The following CCDC77 variants were observed in gnomAD, a reference collection of about 807,000 sequenced individuals.
CCDC77 encodes the protein coiled-coil domain-containing protein 77.
A neutral mutation model predicts 66.8 loss-of-function variants in CCDC77; 56 were observed. That is an observed-to-expected ratio of 0.84 (90% CI 0.68 to 1.05). CCDC77 has a LOEUF of 1.05. CCDC77 is among the 50% of genes least tolerant of loss of function. CCDC77 has a pLI of 0.00. For synonymous variants in CCDC77, 196 were observed against 195.2 expected (o/e 1.00, Z -0.03); for missense variants, 570 against 576.8 (o/e 0.99, Z 0.12).
chr12:416,200 C>T (rs918503051), intron 4 of CCDC77, among the ~76,000 whole-genome samples: 2 of 150,694 alleles, frequency 1.3e-5, no homozygotes, highest in Non-Finnish European at 3.0e-5. Context: ...TTTAACCTCC[C>T]AAAGTGTTGG....
At chr12:415,353 A>ATAATATTATGTTAATATAATTAACG (rs1945213707) in intron 4 of CCDC77, among the ~76,000 whole-genome samples, 1 of 88,946 alleles carries the variant, frequency 1.1e-5, no homozygotes, top group East Asian at 4.0e-4. Context: ...TATAATCAAC[A>ATAATATTATGTTAATATAATTAACG]TAATATTATG....
At chr12:415,535 CAT>C (rs1342960432) in intron 4 of CCDC77, among the ~76,000 whole-genome samples, 8 of 147,282 alleles carry the variant, frequency 5.4e-5, no homozygotes, top group African/African-American at 7.5e-5. Flanking sequence ...TAATTATTAA[CAT>C]AATAATATGT....
intron 4 of CCDC77, among the ~76,000 whole-genome samples, chr12:417,357 T>C (rs1945305936): frequency 6.6e-6 from 1 of 152,170 alleles, no homozygotes; most frequent in African/African-American, 2.4e-5. Flanking sequence ...CTTCTCTCTC[T>C]ACCCATCTTC....
At chr12:415,369 A>C (rs1268784630) in intron 4 of CCDC77, among the ~76,000 whole-genome samples, 1 of 126,460 alleles carries the variant, frequency 7.9e-6, no homozygotes, top group Non-Finnish European at 1.6e-5. Flanking sequence ...TTATGTTAAT[A>C]TAATCAACAT....
chr12:414,175 C>T (rs541680966), intron 4 of CCDC77, among the ~76,000 whole-genome samples: 1 of 150,734 alleles, frequency 6.6e-6, no homozygotes, highest in African/African-American at 2.5e-5. Flanking sequence ...CACTGCAACC[C>T]CTGTCTCCCG....
At chr12:410,636 C>T (rs1018714459) in intron 3 of CCDC77, among the ~76,000 whole-genome samples, 2 of 148,964 alleles carry the variant, frequency 1.3e-5, no homozygotes, top group Non-Finnish European at 3.0e-5. Context: ...GAACCTGCCT[C>T]CTGCGTTCAA....
chr12:436,730 T>C (rs1945766440), intron 9 of CCDC77: 1 of 977,086 alleles, frequency 1.0e-6, no homozygotes, highest in Non-Finnish European at 1.2e-6. Context: ...CTTCCTTGTT[T>C]AGCGTTATCT....
At chr12:416,344 G>GT (rs1945263435) in intron 4 of CCDC77, among the ~76,000 whole-genome samples, 6 of 37,104 alleles carry the variant, frequency 1.6e-4, no homozygotes, top group African/African-American at 2.8e-4. Context: ...GGTGTGTGGG[G>GT]GTGTGTGTGT....
At chr12:431,573 A>G (rs1029312124) in intron 7 of CCDC77, among the ~76,000 whole-genome samples, 11 of 152,178 alleles carry the variant, frequency 7.2e-5, no homozygotes, top group East Asian at 5.8e-4. Context: ...AGACACAACT[A>G]TTTTAGTGGT....
At chr12:418,415 T>C in intron 4 of CCDC77, 79 bp from the exon 5 acceptor site, 1 of 1,378,784 alleles carries the variant, frequency 7.3e-7, no homozygotes, top group East Asian at 2.3e-5. Flanking sequence ...TCTACATGAG[T>C]AGACTCCTCC....
intron 10 of CCDC77, among the ~76,000 whole-genome samples, chr12:438,849 G>T (rs898448397): frequency 6.6e-6 from 1 of 150,928 alleles, no homozygotes; most frequent in Admixed American, 6.6e-5. Flanking sequence ...TGGGCAAATC[G>T]TGAGGTCAGG....
Position 431,952 on chromosome 12 carries a change from C to A in CCDC77, c.670C>A (p.Gln224Lys). Residue 224 changes from glutamine (Q) to lysine (K), a missense_variant and splice_region_variant, in exon 8 of 13, where the codon CAG (glutamine) becomes AAG (lysine). Gln to Lys is a moderately conservative substitution (Grantham distance 53, BLOSUM62 1). Coordinates refer to ENST00000239830, the MANE Select transcript of CCDC77 (RefSeq NM_032358.4). ...YQRDIQTLIL[Q>K]VEALQAQLGE... Reference sequence around the variant, plus strand: ...AAGAGACATACAGACACTCATCCTACAGGTAAAGAATGTATTTTGGCAGAC... The same window carrying A: ...AAGAGACATACAGACACTCATCCTAAAGGTAAAGAATGTATTTTGGCAGAC... 5 of 1,602,886 alleles carry A rather than the reference C, an allele frequency of 3.1e-6. No individual in the cohort carries two copies. Among genetic ancestry groups the A allele is most frequent in the Non-Finnish European group, 4.3e-6 (5 of 1,171,030 alleles).
Position 428,770 on chromosome 12 carries a change from G to T in CCDC77, c.415G>T (p.Glu139Ter). The change falls in exon 6 of 13, where the codon GAG (glutamate) becomes TAG (stop). Residue 139 changes from glutamate (E) to a stop codon, truncating the protein, a stop_gained and splice_region_variant. Transcript: ENST00000239830. LOFTEE classifies it high-confidence loss of function. ...GCTTGCTTTCCATGAGAATTGCAGG[G>T]AGCTAGAAGACAAGAAAAAGATTCA... The part of the protein sequence containing the change: ...YSENDRLRIR[E>*]LEDKKKIQNL... The T allele has an allele frequency of 6.2e-7, 1 of 1,605,506 alleles. No individual in the cohort carries two copies. The highest frequency in any genetic ancestry group is 8.5e-7 in the Non-Finnish European group (1 of 1,174,452).
intron 1 of CCDC77, chr12:390,120 CAAAAAAAAAAAAAA>C (rs11330348): frequency 2.7e-5 from 2 of 73,416 alleles, no homozygotes; most frequent in Admixed American, 1.7e-4. Flanking sequence ...GTTGCCTGAG[CAAAAAAAAAAAAAA>C]AAAAAAAAAA....
At position 412,854 on chromosome 12, in the gene CCDC77, T is replaced by C. The variant is rs551880583; in HGVS notation, c.270+876T>C. Among the ~76,000 whole-genome samples, 18 of 152,178 alleles carry C rather than the reference T, an allele frequency of 1.2e-4. 1 individual carries two copies. The South Asian group carries it at 3.5e-3, about 30-fold the overall frequency. On this transcript the variant is annotated intron_variant, in intron 4 of 12. Coordinates refer to ENST00000239830, the MANE Select transcript of CCDC77 (RefSeq NM_032358.4). ...GCCTGCAACCCCTTCTTAGCCCTCC[T>C]CTCTCAACATCTTTTCTGCCATCTG...
intron 8 of CCDC77, among the ~76,000 whole-genome samples, chr12:432,871 T>C (rs1029048393): frequency 6.6e-6 from 1 of 152,174 alleles, no homozygotes; most frequent in Non-Finnish European, 1.5e-5. Flanking sequence ...ACCCCATCTC[T>C]ACAAAAATTA....
chr12:389,548 A>ACGGGGCGAGGCGGGGCTAGG, intron 1 of CCDC77: 1 of 24,292 alleles, frequency 4.1e-5, no homozygotes, highest in Non-Finnish European at 7.9e-5. Flanking sequence ...AGGGAAGCCG[A>ACGGGGCGAGGCGGGGCTAGG]CGGGGCGAGG....
chr12:397,590 T>C (rs1253061814), upstream of CCDC77, among the ~76,000 whole-genome samples: 1 of 152,190 alleles, frequency 6.6e-6, no homozygotes, highest in Non-Finnish European at 1.5e-5. Flanking sequence ...TACTGTAGTC[T>C]AGTGCATTAT....
intron 6 of CCDC77, among the ~76,000 whole-genome samples, chr12:429,926 C>CACAG (rs1555146388): frequency 1.3e-5 from 2 of 152,138 alleles, no homozygotes; most frequent in African/African-American, 4.8e-5. Context: ...GTGCCCCAAG[C>CACAG]TGTTTTTGTT....
Sources: allele counts gnomAD v4.1 joint callset (sites outside exome capture counted in the v4.1 genomes callset), GRCh38; gene constraint gnomAD v4.1.1; transcripts MANE v1.5; gene names NCBI Gene and HGNC (gene_info 2026-07-23, HGNC 2026-07-21).